ZNF865: variants seen among roughly 807,000 people sequenced by gnomAD.
ZNF865 encodes the protein zinc finger protein 865.
For missense variants in ZNF865, 1,311 were observed against 1,593.4 expected, an observed-to-expected ratio of 0.82 and a Z score of 3.02; for synonymous variants, 763 against 750.8, an observed-to-expected ratio of 1.02 and a Z score of -0.27.
At chr19:55,608,318 T>A (rs962264445) in intron 1 of ZNF865, among the ~76,000 whole-genome samples, 7 of 150,730 alleles carry the variant, frequency 4.6e-5, no homozygotes, top group African/African-American at 1.7e-4. Context: ...GTGGCTTTTT[T>A]TTTTTTTTTT....
rs1332815747 is a variant in ZNF865 at position 55,611,891 on chromosome 19, T to C, written c.-26-1702T>C. Among the ~76,000 whole-genome samples, 1 of 151,922 alleles carries C rather than the reference T, an allele frequency of 6.6e-6. No individual in the cohort carries two copies. The highest frequency in any genetic ancestry group is 2.4e-5 in the African/African-American group (1 of 41,328). ...GGAGATCAGTTACGGGTGCTGAGGG[T>C]CTGGTGTGGTGTGGGGTACACACAT... On this transcript the variant is annotated intron_variant, in intron 1 of 1. Coordinates refer to ENST00000568956, the MANE Select transcript of ZNF865 (RefSeq NM_001195605.2). The surrounding 1 kb of genome is among the most constrained non-coding windows in gnomAD (Gnocchi z 4.5).
rs1429035020 is a variant in ZNF865 at position 55,615,253 on chromosome 19, C to T, written c.1635C>T (p.Val545=). Reference sequence around the variant, plus strand: ...GGGCGGGAGGCTCGGGCGCCAGCGTCCCAGGAAAGACGTTCTGCTGCGGCA... The same window carrying T: ...GGGCGGGAGGCTCGGGCGCCAGCGTTCCAGGAAAGACGTTCTGCTGCGGCA... ...TSGAGGSGAS[V]PGKTFCCGIC... is the part of the protein sequence containing the mutation. Residue 545 remains valine (V), a synonymous_variant, in exon 2 of 2, where the codon GTC becomes GTT. Transcript: ENST00000568956. 2 of 1,518,866 alleles carry T rather than the reference C, an allele frequency of 1.3e-6. No individual in the cohort carries two copies. The highest frequency in any genetic ancestry group is 2.4e-5 in the South Asian group (2 of 81,932). 94.1% of individuals were successfully genotyped at this position (1,518,866 alleles called of 1,614,324 possible). A position where few individuals can be genotyped will look rare whatever the true frequency, so the allele number is the denominator to read the frequency against.
At chr19:55,612,639 T>G (rs1981180310) in intron 1 of ZNF865, 1 of 152,460 alleles carries the variant, frequency 6.6e-6, no homozygotes, top group South Asian at 2.1e-4. Context: ...AGTGCTGGGA[T>G]GACAGCTGTC....
Position 55,615,812 on chromosome 19 carries a change from G to T in ZNF865, c.2194G>T (p.Gly732Cys). Residue 732 changes from glycine (G) to cysteine (C), a missense_variant, in exon 2 of 2, where the codon GGC becomes TGC. Gly to Cys is a radical substitution (Grantham distance 159, BLOSUM62 -3). Coordinates refer to ENST00000568956, the MANE Select transcript of ZNF865 (RefSeq NM_001195605.2). ...APERLLPPAP[G>C]GLQPPDGSSG... ...CGAGCGCCTGCTCCCGCCCGCACCC[G>T]GCGGCCTGCAGCCCCCGGACGGCTC... is the stretch of plus-strand genomic sequence containing the variant. The T allele has an allele frequency of 6.6e-7, 1 of 1,509,738 alleles. No individual in the cohort carries two copies. The highest frequency in any genetic ancestry group is 1.2e-5 in the South Asian group (1 of 81,130). The allele number at this position is 1,509,738 out of a possible 1,614,324, so 93.5% of individuals were successfully genotyped here. A position where few individuals can be genotyped will look rare whatever the true frequency, so the allele number is the denominator to read the frequency against.
chr19:55,611,888 G>A lies in ZNF865; in HGVS notation c.-26-1705G>A, dbSNP rs1049980132. On this transcript the variant is annotated intron_variant, in intron 1 of 1. Transcript: ENST00000568956. The surrounding 1 kb of genome is among the most constrained non-coding windows in gnomAD (Gnocchi z 4.5). ...CTCGGAGATCAGTTACGGGTGCTGA[G>A]GGTCTGGTGTGGTGTGGGGTACACA... Among the ~76,000 whole-genome samples the A allele has an allele frequency of 1.3e-5, 2 of 152,200 alleles. No homozygotes were observed. Among genetic ancestry groups the A allele is most frequent in the Admixed American group, 1.3e-4 (2 of 15,276 alleles).
chr19:55,613,553 C>G (rs942712185), intron 1 of ZNF865, 40 bp from the exon 2 acceptor site: 16 of 1,438,842 alleles, frequency 1.1e-5, no homozygotes, highest in Non-Finnish European at 1.5e-5. Flanking sequence ...GGAGACCCAG[C>G]GCCGCGGCCG....
At position 55,611,240 on chromosome 19, in the gene ZNF865, G is replaced by A. The variant is rs991441779; in HGVS notation, c.-26-2353G>A. ...TAATATGTGTAACGTGCTTAGAACC[G>A]TGGCGGGCCTCTAGGAGATGTCCAG... On this transcript the variant is annotated intron_variant, in intron 1 of 1. Coordinates refer to ENST00000568956, the MANE Select transcript of ZNF865 (RefSeq NM_001195605.2). This position sits in a 1 kb window ranked among gnomAD's most constrained non-coding sequence, Gnocchi z 4.5. 2.0e-5 allele frequency among the ~76,000 whole-genome samples: 3 copies of A among 152,120 alleles called. No homozygotes were observed. Among genetic ancestry groups the A allele is most frequent in the Non-Finnish European group, 4.4e-5 (3 of 68,010 alleles).
chr19:55,615,070 G>A lies in ZNF865; in HGVS notation c.1452G>A (p.Pro484=). ...GGGCGGCCTCGGCCCCGCAGCCCCC[G>A]CCCACCTTCCCCCCGGGCCCGTACC... is the stretch of plus-strand genomic sequence containing the variant. ...KDGAASAPQP[P]PTFPPGPYLL... is the part of the protein sequence containing the mutation. The change falls in exon 2 of 2, where the codon CCG becomes CCA. Residue 484 remains proline, a synonymous_variant. Coordinates refer to ENST00000568956, the MANE Select transcript of ZNF865 (RefSeq NM_001195605.2). 2.7e-6 allele frequency: 1 copy of A among 377,166 alleles called. No homozygotes were observed. The highest frequency in any genetic ancestry group is 3.5e-6 in the Non-Finnish European group (1 of 282,778). 23.4% of individuals were successfully genotyped at this position (377,166 alleles called of 1,614,324 possible). A position where few individuals can be genotyped will look rare whatever the true frequency, so the allele number is the denominator to read the frequency against.
rs1215986072 is a variant in ZNF865 at position 55,613,687 on chromosome 19, G to C, written c.69G>C (p.Gly23=). The C allele has an allele frequency of 3.9e-6, 6 of 1,533,860 alleles. No homozygotes were observed. In the African/African-American group the frequency reaches 6.9e-5, roughly 18 times the overall value. ...GCAGCGGCATCGGGGGCGAGGACGGGGTGCACTTCCAGAGCTACCCCTTCG... is the reference window on the plus strand; with the variant it reads ...GCAGCGGCATCGGGGGCGAGGACGGCGTGCACTTCCAGAGCTACCCCTTCG... ...GGSSGIGGED[G]VHFQSYPFDF... Residue 23 remains glycine (G), a synonymous_variant, in exon 2 of 2, where the codon GGG becomes GGC. Coordinates refer to ENST00000568956, the MANE Select transcript of ZNF865 (RefSeq NM_001195605.2).
chr19:55,616,921 C>T lies in ZNF865; in HGVS notation c.*123C>T. On this transcript the variant is annotated 3_prime_UTR_variant, in exon 2 of 2. Coordinates refer to ENST00000568956, the MANE Select transcript of ZNF865 (RefSeq NM_001195605.2). The stretch of plus-strand genomic sequence containing the variant: ...TCCTTCAGAACTTCACACGGACTGG[C>T]GACCTTCAGGGCGCACGCCCGACAG... 2 of 1,131,484 alleles carry T rather than the reference C, an allele frequency of 1.8e-6. No homozygotes were observed. The highest frequency in any genetic ancestry group is 1.6e-5 in the African/African-American group (1 of 61,634). 70.1% of individuals were successfully genotyped at this position (1,131,484 alleles called of 1,614,324 possible). A position where few individuals can be genotyped will look rare whatever the true frequency, so the allele number is the denominator to read the frequency against.
chr19:55,609,494 C>T (rs1299369398), intron 1 of ZNF865, among the ~76,000 whole-genome samples: 2 of 152,180 alleles, frequency 1.3e-5, no homozygotes, highest in Admixed American at 6.5e-5. Flanking sequence ...TATATGCGCA[C>T]GTTACTCTTT....
In ZNF865 at chr19:55,605,750, T is replaced by G. The variant is rs1980913442; in HGVS notation, c.-27+18T>G. ...CGGCGCCGGTGAGTGACGGGGTGCG[T>G]GGCCCGGGGGCCCGGGTGCAGCGGG... On this transcript the variant is annotated intron_variant, in intron 1 of 1. Coordinates refer to ENST00000568956, the MANE Select transcript of ZNF865 (RefSeq NM_001195605.2). The G allele has an allele frequency of 7.0e-6, 1 of 143,358 alleles. No individual in the cohort carries two copies. The highest frequency in any genetic ancestry group is 1.5e-5 in the Non-Finnish European group (1 of 65,306). 8.9% of individuals were successfully genotyped at this position (143,358 alleles called of 1,614,324 possible). A position where few individuals can be genotyped will look rare whatever the true frequency, so the allele number is the denominator to read the frequency against.
chr19:55,613,981 G>A lies in ZNF865; in HGVS notation c.363G>A (p.Lys121=). 6.6e-7 allele frequency: 1 copy of A among 1,524,778 alleles called. No homozygotes were observed. The highest frequency in any genetic ancestry group is 8.8e-7 in the Non-Finnish European group (1 of 1,141,208). 94.5% of individuals were successfully genotyped at this position (1,524,778 alleles called of 1,614,324 possible). A position where few individuals can be genotyped will look rare whatever the true frequency, so the allele number is the denominator to read the frequency against. Residue 121 remains lysine (K), a synonymous_variant, in exon 2 of 2, where the codon AAG becomes AAA. Transcript: ENST00000568956. ...SSSSSSSQAK[K]PDPPLPPAFG... ...CCTCTTCCTCTTCCCAAGCCAAGAA[G>A]CCCGATCCGCCCCTGCCGCCCGCCT... is the stretch of plus-strand genomic sequence containing the variant.
Position 55,616,387 on chromosome 19 carries a change from G to A in ZNF865, c.2769G>A (p.Arg923=). Reference sequence around the variant, plus strand: ...AGTCGTCCAGCCTGGCAGAGCACCGGCGGCTGCACGCTGTGGCCCGGCCCC... The same window carrying A: ...AGTCGTCCAGCCTGGCAGAGCACCGACGGCTGCACGCTGTGGCCCGGCCCC... ...FAQSSSLAEH[R]RLHAVARPQR... is the part of the protein sequence containing the mutation. The change falls in exon 2 of 2, where the codon CGG becomes CGA. Residue 923 remains arginine, a synonymous_variant. Coordinates refer to ENST00000568956, the MANE Select transcript of ZNF865 (RefSeq NM_001195605.2). 1 of 1,508,190 alleles carries A rather than the reference G, an allele frequency of 6.6e-7. No individual in the cohort carries two copies. The highest frequency in any genetic ancestry group is 8.8e-7 in the Non-Finnish European group (1 of 1,134,758). 93.4% of individuals were successfully genotyped at this position (1,508,190 alleles called of 1,614,324 possible).
rs1330028651 is a variant in ZNF865, at chr19:55,614,656, C to T, written c.1038C>T (p.Gly346=). 5 of 1,538,422 alleles carry T rather than the reference C, an allele frequency of 3.3e-6. No individual in the cohort carries two copies. The highest frequency in any genetic ancestry group is 4.3e-6 in the Non-Finnish European group (5 of 1,149,834). ...VGVPPPATGG[G]DGPFACPLCW... is the part of the protein sequence containing the mutation. ...TGCCCCCTCCTGCCACCGGGGGTGG[C>T]GATGGCCCGTTCGCCTGCCCACTCT... Residue 346 remains glycine (G), a synonymous_variant, in exon 2 of 2, where the codon GGC becomes GGT. Transcript: ENST00000568956. The surrounding 1 kb of genome is among the most constrained non-coding windows in gnomAD (Gnocchi z 8.0).
At chr19:55,608,299 G>GT (rs1015111762) in intron 1 of ZNF865, among the ~76,000 whole-genome samples, 1 of 149,980 alleles carries the variant, frequency 6.7e-6, no homozygotes, top group African/African-American at 2.5e-5. Flanking sequence ...GGAGGTCATT[G>GT]TAAGGACTGT....
chr19:55,616,132 C>T lies in ZNF865; in HGVS notation c.2514C>T (p.His838=), dbSNP rs1000418745. ...SFAGAYDLLL[H]RRSHRQKRGF... is the part of the protein sequence containing the mutation. ...CGGGCGCCTACGACTTGCTCCTACA[C>T]CGCCGCAGCCATCGGCAGAAGCGGG... Residue 838 remains histidine, a synonymous_variant, in exon 2 of 2, where the codon CAC becomes CAT. Coordinates refer to ENST00000568956, the MANE Select transcript of ZNF865 (RefSeq NM_001195605.2). 8 of 1,497,854 alleles carry T rather than the reference C, an allele frequency of 5.3e-6. No individual in the cohort carries two copies. The highest frequency in any genetic ancestry group is 4.3e-5 in the Admixed American group (2 of 47,002). The allele number at this position is 1,497,854 out of a possible 1,614,324, so 92.8% of individuals were successfully genotyped here.
chr19:55,612,835 G>C (rs966250293), intron 1 of ZNF865: 1 of 152,308 alleles, frequency 6.6e-6, no homozygotes, highest in Non-Finnish European at 1.5e-5. Context: ...TCACTTGCCC[G>C]TGGCCACACA....
chr19:55,613,432 G>A, intron 1 of ZNF865, 161 bp from the exon 2 acceptor site: 3 of 227,322 alleles, frequency 1.3e-5, no homozygotes, highest in Non-Finnish European at 2.2e-5. Flanking sequence ...CAAGAGGAAG[G>A]GCTGCCCTTT....
Sources: allele counts gnomAD v4.1 joint callset (sites outside exome capture counted in the v4.1 genomes callset), GRCh38; gene constraint gnomAD v4.1.1; non-coding constraint Gnocchi (gnomAD v3.1); transcripts MANE v1.5; gene names NCBI Gene and HGNC (gene_info 2026-07-23, HGNC 2026-07-21).